The following GAS6 variants were observed in gnomAD, a reference collection of about 807,000 sequenced individuals.
GAS6 encodes growth arrest specific 6.
GAS6 carries 41 observed loss-of-function variants against 75.8 expected under a neutral mutation model. The observed-to-expected ratio is 0.54, with a 90% CI of 0.42 to 0.70. The LOEUF (loss-of-function observed/expected upper bound fraction) is 0.70, where lower values mean the gene tolerates loss of function less well. Ranked by LOEUF, GAS6 falls within the 30% of genes least tolerant of loss-of-function variation. The pLI is 0.00. For missense variants in GAS6, 854 were observed against 940.2 expected (o/e 0.91, Z 1.20); for synonymous variants, 432 against 412.6 (o/e 1.05, Z -0.57).
rs1193986863 is a variant in GAS6, at chr13:113,863,415, G to T, written c.255+160C>A. ...CGCGGGGATCCCGGGGTCGCCGGGG[G>T]ATGGGCGTGGGGGACGCGGGGCGGG... On this transcript the variant is annotated intron_variant, in intron 2 of 14. Transcript: ENST00000327773. The surrounding 1 kb of genome is among the most constrained non-coding windows in gnomAD (Gnocchi z 9.4). Among the ~76,000 whole-genome samples the T allele has an allele frequency of 1.3e-5, 2 of 152,126 alleles. No individual in the cohort carries two copies. The highest frequency in any genetic ancestry group is 3.9e-4 in the East Asian group (2 of 5,164).
At chr13:113,858,631 G>A (rs917539345) in intron 2 of GAS6, among the ~76,000 whole-genome samples, 1 of 120,900 alleles carries the variant, frequency 8.3e-6, no homozygotes, top group Non-Finnish European at 1.6e-5. Context: ...ATGTATGCAT[G>A]TCTGTGTGTT....
At chr13:113,835,672 C>G in intron 6 of GAS6, 37 bp from the exon 7 acceptor site, 1 of 1,604,598 alleles carries the variant, frequency 6.2e-7, no homozygotes, top group Non-Finnish European at 8.5e-7. Context: ...CGCAGCACAG[C>G]GGCATCTCAG....
intron 3 of GAS6, among the ~76,000 whole-genome samples, chr13:113,846,807 C>T (rs2051837310): frequency 6.6e-6 from 1 of 152,256 alleles, no homozygotes; most frequent in Non-Finnish European, 1.5e-5. Flanking sequence ...CGGAGTTGTG[C>T]ACCCACAGTC....
intron 8 of GAS6, chr13:113,833,509 A>C (rs2051655382): frequency 1.0e-6 from 1 of 993,602 alleles, no homozygotes; most frequent in African/African-American, 1.7e-5. Context: ...CCCAGGCTGA[A>C]GAGGAAAGAC....
chr13:113,855,155 C>T (rs141452902), intron 2 of GAS6, among the ~76,000 whole-genome samples: 6 of 151,674 alleles, frequency 4.0e-5, no homozygotes, highest in East Asian at 3.9e-4. Flanking sequence ...CGTGTGGACT[C>T]GGTCCCCATC....
chr13:113,856,225 C>T (rs2051912936), intron 2 of GAS6, among the ~76,000 whole-genome samples: 1 of 152,224 alleles, frequency 6.6e-6, no homozygotes, highest in Admixed American at 6.5e-5. Flanking sequence ...ACTCAGCCCT[C>T]ACATGGGTGC....
In GAS6 at chr13:113,826,962, C is replaced by T. The variant is rs772998378; in HGVS notation, c.1477+34G>A. 4 of 1,590,328 alleles carry T rather than the reference C, an allele frequency of 2.5e-6. No individual in the cohort carries two copies. The Admixed American group carries it at 6.9e-5, about 28-fold the overall frequency. On this transcript the variant is annotated intron_variant, in intron 12 of 14. Transcript: ENST00000327773. ...GCGTATGCCTGTCTGAAGGTGCAGC[C>T]ACAGCCACCCCAACGGTAAGAGCCA...
chr13:113,847,992 C>T (rs1464621984), intron 3 of GAS6, 34 bp downstream of exon 3: 10 of 1,602,092 alleles, frequency 6.2e-6, no homozygotes, highest in Admixed American at 1.7e-5. Context: ...TATGCCTCTA[C>T]GACAACCAGA....
intron 13 of GAS6, 163 bp downstream of exon 13, chr13:113,823,212 G>A (rs555836404): frequency 3.4e-5 from 25 of 737,494 alleles, no homozygotes; most frequent in African/African-American, 2.5e-4. Flanking sequence ...CCCGCAGCCC[G>A]AAGCGTGGCC....
chr13:113,821,342 C>T (rs2051455198), intron 14 of GAS6: 1 of 338,978 alleles, frequency 3.0e-6, no homozygotes, highest in African/African-American at 2.0e-5. Flanking sequence ...CTCTCATCCT[C>T]TTCAAAGCTC....
In GAS6 at chr13:113,863,749, G is replaced by A. The variant is rs1278385585; in HGVS notation, c.89-8C>T. On this transcript the variant is annotated splice_polypyrimidine_tract_variant and splice_region_variant and intron_variant, in intron 1 of 14. Transcript: ENST00000327773. The surrounding 1 kb of genome is among the most constrained non-coding windows in gnomAD (Gnocchi z 9.4). ...GCGCCGGCAACAGCGCGGCTGCCCG[G>A]AGGGAGAGAGGGGGACGCGTCAAGC... 4 of 1,483,362 alleles carry A rather than the reference G, an allele frequency of 2.7e-6. No individual in the cohort carries two copies. In the African/African-American group the frequency reaches 4.4e-5, roughly 16 times the overall value. The allele number at this position is 1,483,362 out of a possible 1,614,324, so 91.9% of individuals were successfully genotyped here.
intron 4 of GAS6, among the ~76,000 whole-genome samples, chr13:113,846,103 G>A (rs1453308099): frequency 7.9e-5 from 12 of 152,254 alleles, no homozygotes; most frequent in Non-Finnish European, 1.6e-4. Context: ...GGTGAGACAC[G>A]CTAAGAGAGG....
rs1288825805 is a variant in GAS6, at chr13:113,845,541, ACAAT to A, written c.343+982_343+985del. On this transcript the variant is annotated intron_variant, in intron 4 of 14. Coordinates refer to ENST00000327773, the MANE Select transcript of GAS6 (RefSeq NM_000820.4). The surrounding 1 kb of genome is among the most constrained non-coding windows in gnomAD (Gnocchi z 4.3). ...TTAAAATTCATACAGGACACCCAAA[ACAAT>A]CAATCTTATTGCATGATAATTTTAA... The A allele has an allele frequency of 6.0e-5, 9 of 150,348 alleles. 2 individuals are homozygous for A. The highest frequency in any genetic ancestry group is 2.3e-4 in the African/African-American group (9 of 39,852). 9.3% of individuals were successfully genotyped at this position (150,348 alleles called of 1,614,324 possible).
Position 113,844,760 on chromosome 13 carries a change from C to T in GAS6, c.343+1767G>A, listed in dbSNP as rs2051820709. On this transcript the variant is annotated intron_variant, in intron 4 of 14. Coordinates refer to ENST00000327773, the MANE Select transcript of GAS6 (RefSeq NM_000820.4). The surrounding 1 kb of genome is among the most constrained non-coding windows in gnomAD (Gnocchi z 5.7). ...CCCGGCAGAAAATCTCCCAAATACCCAGCATATGAGGACGGCAGCAGGTGA... is the reference window on the plus strand; with the variant it reads ...CCCGGCAGAAAATCTCCCAAATACCTAGCATATGAGGACGGCAGCAGGTGA... 1 of 150,592 alleles carries T rather than the reference C, an allele frequency of 6.6e-6. No homozygotes were observed. The highest frequency in any genetic ancestry group is 6.6e-5 in the Admixed American group (1 of 15,224). 9.3% of individuals were successfully genotyped at this position (150,592 alleles called of 1,614,324 possible).
chr13:113,833,312 T>C (rs1052921853), intron 8 of GAS6: 1 of 1,009,508 alleles, frequency 9.9e-7, no homozygotes, highest in African/African-American at 1.7e-5. Context: ...CATGAGTACA[T>C]GAGGCAGCGA....
intron 2 of GAS6, among the ~76,000 whole-genome samples, chr13:113,860,071 G>T (rs1374125896): frequency 6.6e-6 from 1 of 152,236 alleles, no homozygotes; most frequent in African/African-American, 2.4e-5. Context: ...GTTTGAAAAC[G>T]GATGCACCAA....
rs2051990161 is a variant in GAS6, at chr13:113,863,512, G to A, written c.255+63C>T. On this transcript the variant is annotated intron_variant, in intron 2 of 14. Transcript: ENST00000327773. The surrounding 1 kb of genome is among the most constrained non-coding windows in gnomAD (Gnocchi z 9.4). The stretch of plus-strand genomic sequence containing the variant: ...GGGGGCGGCAGCAGCGCTGCCTCTC[G>A]GGAGCGGTTGGAGGCGCGCGGGCGC... The A allele has an allele frequency of 9.0e-6, 13 of 1,442,042 alleles. No individual in the cohort carries two copies. The highest frequency in any genetic ancestry group is 2.4e-4 in the Middle Eastern group (1 of 4,204). 89.3% of individuals were successfully genotyped at this position (1,442,042 alleles called of 1,614,324 possible). A position where few individuals can be genotyped will look rare whatever the true frequency, so the allele number is the denominator to read the frequency against.
chr13:113,827,973 G>A (rs2051572549), intron 11 of GAS6, among the ~76,000 whole-genome samples: 1 of 152,176 alleles, frequency 6.6e-6, no homozygotes. Context: ...AAAGTTTACT[G>A]TTCTGTTAAA....
intron 2 of GAS6, among the ~76,000 whole-genome samples, chr13:113,857,303 G>A (rs536491328): frequency 6.6e-6 from 1 of 152,208 alleles, no homozygotes; most frequent in East Asian, 1.9e-4. Context: ...CAGAGTGAAA[G>A]GCAAAACTGA....
Sources: gnomAD v4.1 joint callset for allele counts (sites outside exome capture counted in the v4.1 genomes callset) on GRCh38, gnomAD v4.1.1 for gene constraint, Gnocchi (gnomAD v3.1) non-coding constraint, MANE v1.5 for transcripts, NCBI Gene and HGNC (gene_info 2026-07-23, HGNC 2026-07-21) for gene names.